The following HNRNPLL variants were observed in gnomAD, a reference collection of about 807,000 sequenced individuals.
HNRNPLL encodes the protein heterogeneous nuclear ribonucleoprotein L-like.
In HNRNPLL, 25 loss-of-function variants were observed where a neutral mutation model predicts 67.1. The observed-to-expected ratio is 0.37, with a 90% CI of 0.27 to 0.52. HNRNPLL has a LOEUF of 0.52. HNRNPLL is among the 20% of genes least tolerant of loss of function. The pLI is 0.90. For synonymous variants in HNRNPLL, 267 were observed against 241.7 expected, an observed-to-expected ratio of 1.10 and a Z score of -0.97; for missense variants, 542 against 673.9, an observed-to-expected ratio of 0.80 and a Z score of 2.17.
At chr2:38,592,481 G>A (rs1051656739) in intron 1 of HNRNPLL, among the ~76,000 whole-genome samples, 3 of 152,174 alleles carry the variant, frequency 2.0e-5, no homozygotes, top group African/African-American at 7.2e-5. Flanking sequence ...TTAAACACAT[G>A]ACAACTTAAA....
rs765471759 is a variant in HNRNPLL, at chr2:38,602,427, C to T, written c.189+11G>A. On this transcript the variant is annotated intron_variant, in intron 1 of 12. Transcript: ENST00000449105. ...CCAGGCACAGCGGACAGGGGGGCCG[C>T]GCTTTGTTACCGGCTGAGAGAAGCT... 6.5e-7 allele frequency: 1 copy of T among 1,541,994 alleles called. No individual in the cohort carries two copies. Among genetic ancestry groups the T allele is most frequent in the Non-Finnish European group, 8.7e-7 (1 of 1,151,078 alleles).
chr2:38,581,857 G>A, intron 6 of HNRNPLL, 56 bp downstream of exon 6: 1 of 1,075,102 alleles, frequency 9.3e-7, no homozygotes, highest in Non-Finnish European at 1.4e-6. Context: ...GAATCTAACT[G>A]CATATAAAAA....
At chr2:38,566,973 TC>T (rs1665887533) in intron 12 of HNRNPLL, among the ~76,000 whole-genome samples, 1 of 152,166 alleles carries the variant, frequency 6.6e-6, no homozygotes, top group Non-Finnish European at 1.5e-5. Flanking sequence ...CTGTGATACA[TC>T]TTGACTATAA....
chr2:38,591,393 C>G, intron 2 of HNRNPLL, 137 bp downstream of exon 2: 1 of 650,812 alleles, frequency 1.5e-6, no homozygotes. Context: ...GAAATACAGT[C>G]ATAGGCAAAC....
At chr2:38,582,891 T>C (rs1232859707) in intron 4 of HNRNPLL, among the ~76,000 whole-genome samples, 2 of 147,212 alleles carry the variant, frequency 1.4e-5, no homozygotes, top group Admixed American at 1.3e-4. Flanking sequence ...AAAAAAAAAA[T>C]CAAGGGTACC....
chr2:38,598,127 T>G (rs1667283711), intron 1 of HNRNPLL, among the ~76,000 whole-genome samples: 1 of 152,154 alleles, frequency 6.6e-6, no homozygotes, highest in Non-Finnish European at 1.5e-5. Context: ...AACTCCGTAT[T>G]ATTATTATAC....
chr2:38,581,969 A>T lies in HNRNPLL; in HGVS notation c.746T>A (p.Val249Asp). The T allele has an allele frequency of 6.2e-7, 1 of 1,612,312 alleles. No homozygotes were observed. Among genetic ancestry groups the T allele is most frequent in the African/African-American group, 1.3e-5 (1 of 75,012 alleles). Residue 249 changes from valine (V) to aspartate (D), a missense_variant, in exon 6 of 13, where the codon GTT becomes GAT. Val to Asp is a radical substitution (Grantham distance 152). Around this residue, in one of 2 missense-constraint regions of HNRNPLL, gnomAD observed 415 missense variants for 575.2 expected, o/e 0.72. Transcript: ENST00000449105. ...CCAACTGTCATTGTCATTCCTAATA[A>T]CATTTAGACGAGTTGGCTGTTAAGA... ...IEYARPTRLNVIRNDNDSWDY... is the reference protein window; with the variant it reads ...IEYARPTRLNDIRNDNDSWDY...
At chr2:38,593,881 A>T (rs149890413) in intron 1 of HNRNPLL, among the ~76,000 whole-genome samples, 9 of 150,158 alleles carry the variant, frequency 6.0e-5, no homozygotes, top group Non-Finnish European at 1.2e-4. Flanking sequence ...AACAAAAAAA[A>T]ACCTAAATGC....
At chr2:38,601,808 C>T (rs1038352088) in intron 1 of HNRNPLL, among the ~76,000 whole-genome samples, 9 of 151,990 alleles carry the variant, frequency 5.9e-5, no homozygotes, top group African/African-American at 2.2e-4. Context: ...GTGTTGTAAC[C>T]GAAGAGGTAA....
chr2:38,597,768 A>T (rs1179756002), intron 1 of HNRNPLL, among the ~76,000 whole-genome samples: 1 of 151,532 alleles, frequency 6.6e-6, no homozygotes, highest in African/African-American at 2.4e-5. Context: ...AGCTCACTGC[A>T]ACCGTCGCCC....
chr2:38,602,101 G>C, intron 1 of HNRNPLL: 1 of 317,842 alleles, frequency 3.1e-6, no homozygotes, highest in South Asian at 3.6e-5. Context: ...CGAGCCCGAG[G>C]AGTTAAACTA....
intron 2 of HNRNPLL, 90 bp downstream of exon 2, chr2:38,591,440 T>G (rs1423892264): frequency 1.3e-6 from 1 of 771,740 alleles, no homozygotes; most frequent in Non-Finnish European, 2.3e-6. Flanking sequence ...CAAACAATAT[T>G]TACTATGCTA....
At position 38,602,638 on chromosome 2, in the gene HNRNPLL, G is replaced by A. The variant is rs745361796; in HGVS notation, c.-12C>T. The stretch of plus-strand genomic sequence containing the variant: ...GAGGAGGAGGACATGGCGGCGGCCG[G>A]AGGGACCGGCTGGCAGGCGGGTGGG... On this transcript the variant is annotated 5_prime_UTR_variant, in exon 1 of 13. Coordinates refer to ENST00000449105, the MANE Select transcript of HNRNPLL (RefSeq NM_138394.4). 18 of 1,501,316 alleles carry A rather than the reference G, an allele frequency of 1.2e-5. No homozygotes were observed. In the East Asian group the frequency reaches 4.7e-4, roughly 39 times the overall value. 93.0% of individuals were successfully genotyped at this position (1,501,316 alleles called of 1,614,324 possible).
Position 38,602,455 on chromosome 2 carries a change from G to GGCCGCC in HNRNPLL, c.166_171dup (p.Gly56_Gly57dup), listed in dbSNP as rs530811880. The GGCCGCC allele has an allele frequency of 1.6e-5, 24 of 1,535,652 alleles. No homozygotes were observed. Among genetic ancestry groups the GGCCGCC allele is most frequent in the Middle Eastern group, 2.0e-4 (1 of 5,052 alleles). ...TTTGTTACCGGCTGAGAGAAGCTCC[G>GGCCGCC]GCCGCCGCCGCCGCCATCGCCCCCG... is the stretch of plus-strand genomic sequence containing the variant. On this transcript the variant is annotated inframe_insertion, in exon 1 of 13. Transcript: ENST00000449105.
chr2:38,573,111 T>G, intron 8 of HNRNPLL, 99 bp downstream of exon 8: 1 of 753,882 alleles, frequency 1.3e-6, no homozygotes, highest in Non-Finnish European at 2.2e-6. Context: ...TCAAAGAATT[T>G]GGATATTCCT....
chr2:38,596,776 C>T (rs188047071), intron 1 of HNRNPLL, among the ~76,000 whole-genome samples: 1 of 152,296 alleles, frequency 6.6e-6, no homozygotes, highest in Admixed American at 6.5e-5. Context: ...TACCTAGGCT[C>T]TCTCTTTCTG....
At chr2:38,580,744 G>A (rs1363065700) in intron 6 of HNRNPLL, among the ~76,000 whole-genome samples, 6 of 152,272 alleles carry the variant, frequency 3.9e-5, no homozygotes, top group Non-Finnish European at 7.4e-5. Context: ...TTATCCTCAC[G>A]AAATCTAGCA....
At position 38,602,620 on chromosome 2, in the gene HNRNPLL, A is replaced by ACCG; in HGVS notation, c.6_7insCGG (p.Ser2_Ser3insArg). ...GTCTCCCTGGGGGAGGAAGAGGAGG[A>ACCG]GGACATGGCGGCGGCCGGAGGGACC... On this transcript the variant is annotated inframe_insertion, in exon 1 of 13. Coordinates refer to ENST00000449105, the MANE Select transcript of HNRNPLL (RefSeq NM_138394.4). 6.6e-7 allele frequency: 1 copy of ACCG among 1,519,606 alleles called. No individual in the cohort carries two copies. The highest frequency in any genetic ancestry group is 8.8e-7 in the Non-Finnish European group (1 of 1,138,064). The allele number at this position is 1,519,606 out of a possible 1,614,324, so 94.1% of individuals were successfully genotyped here. A position where few individuals can be genotyped will look rare whatever the true frequency, so the allele number is the denominator to read the frequency against.
At chr2:38,592,590 G>A (rs963873521) in intron 1 of HNRNPLL, among the ~76,000 whole-genome samples, 1 of 152,136 alleles carries the variant, frequency 6.6e-6, no homozygotes, top group Non-Finnish European at 1.5e-5. Flanking sequence ...GTGTATCTTC[G>A]AGTATGCCAG....
Sources: allele counts gnomAD v4.1 joint callset (sites outside exome capture counted in the v4.1 genomes callset), GRCh38; gene constraint gnomAD v4.1.1; regional missense constraint gnomAD v4.1.1; transcripts MANE v1.5; gene names NCBI Gene and HGNC (gene_info 2026-07-23, HGNC 2026-07-21).